The following AP5Z1 variants were observed in gnomAD, a reference collection of about 807,000 sequenced individuals.
AP5Z1 encodes the protein AP-5 complex subunit zeta-1.
Under a neutral mutation model 83.0 loss-of-function variants are expected in AP5Z1, and 106 were observed. That is an observed-to-expected ratio of 1.28 (90% CI 1.09 to 1.50). The LOEUF (loss-of-function observed/expected upper bound fraction) is 1.50. AP5Z1 is among the 40% of genes most tolerant of loss of function. The pLI is 0.00. For synonymous variants in AP5Z1, 751 were observed against 514.1 expected (o/e 1.46, Z -6.23); for missense variants, 1,565 against 1,094.2 (o/e 1.43, Z -6.07).
chr7:4,785,478 G>T (rs745309805), intron 8 of AP5Z1, 26 bp downstream of exon 8: 4 of 1,612,996 alleles, frequency 2.5e-6, no homozygotes, highest in Non-Finnish European at 3.4e-6. Context: ...CCAGGGGATG[G>T]GAGGCAGCGA....
intron 12 of AP5Z1, 116 bp from the exon 13 acceptor site, chr7:4,788,724 T>G: frequency 3.4e-6 from 3 of 886,092 alleles, no homozygotes; most frequent in East Asian, 2.8e-5. Flanking sequence ...CGAGAGGCGA[T>G]GAGTGAGGAT....
At chr7:4,776,515 G>A (rs1583223000) in intron 1 of AP5Z1, among the ~76,000 whole-genome samples, 1 of 146,606 alleles carries the variant, frequency 6.8e-6, no homozygotes, top group African/African-American at 2.5e-5. Context: ...TCAGGAGTTC[G>A]AGACCAGCGT....
At position 4,779,806 on chromosome 7, in the gene AP5Z1, A is replaced by AT. The variant is rs540584247; in HGVS notation, c.42-1360dup. Among the ~76,000 whole-genome samples, 150 of 150,272 alleles carry AT rather than the reference A, an allele frequency of 1.0e-3. 1 individual carries two copies. In the East Asian group the frequency reaches 0.027, roughly 27 times the overall value. On this transcript the variant is annotated intron_variant, in intron 1 of 16. Transcript: ENST00000649063. ...CAGGCTTGTGCCACCACGCCCAGCT[A>AT]TTTTTTTTTGTATTTTTAGTAGAAA...
rs371817388 is a variant in AP5Z1 at position 4,790,788 on chromosome 7, G to A, written c.2054G>A (p.Arg685His). Residue 685 changes from arginine (R) to histidine (H), a missense_variant, in exon 16 of 17, where the codon CGC becomes CAC. Coordinates refer to ENST00000649063, the MANE Select transcript of AP5Z1 (RefSeq NM_014855.3). ...CTGCTATTCGAGGTCACCCAGTGCCGCCCCTCTGCTGCCCTGCCCAGGTGT... is the reference window on the plus strand; with the variant it reads ...CTGCTATTCGAGGTCACCCAGTGCCACCCCTCTGCTGCCCTGCCCAGGTGT... The part of the protein sequence containing the change: ...EALLFEVTQC[R>H]PSAALPRCPP... 43 of 1,608,656 alleles carry A rather than the reference G, an allele frequency of 2.7e-5. No individual in the cohort carries two copies. The highest frequency in any genetic ancestry group is 8.4e-5 in the Admixed American group (5 of 59,586).
In AP5Z1 at chr7:4,788,191, A is replaced by G. The variant is rs1357485423; in HGVS notation, c.1492A>G (p.Thr498Ala). The G allele has an allele frequency of 1.3e-6, 2 of 1,559,420 alleles. No homozygotes were observed. Among genetic ancestry groups the G allele is most frequent in the Non-Finnish European group, 1.7e-6 (2 of 1,152,940 alleles). The change falls in exon 12 of 17, where the codon ACC (threonine) becomes GCC (alanine). Residue 498 changes from threonine (T) to alanine (A), a missense_variant. Transcript: ENST00000649063. The stretch of plus-strand genomic sequence containing the variant: ...TGCATCCGAGAGGCCACTCTGGGAC[A>G]CCTCTCTCAGGGCCCCCAGCTGCCT... ...PAASERPLWD[T>A]SLRAPSCLEA... is the part of the protein sequence containing the mutation.
In AP5Z1 at chr7:4,793,033, G is replaced by C. The variant is rs1052486649; in HGVS notation, c.*1648G>C. ...GGCTCCCAGCTCCCAGGCACTCGTG[G>C]GGCCACCGCCCAGGCCAGCTGGTGC... On this transcript the variant is annotated 3_prime_UTR_variant, in exon 17 of 17. Transcript: ENST00000649063. 3 of 152,910 alleles carry C rather than the reference G, an allele frequency of 2.0e-5. No homozygotes were observed. The highest frequency in any genetic ancestry group is 6.5e-5 in the Admixed American group (1 of 15,356). The allele number at this position is 152,910 out of a possible 1,614,324, so 9.5% of individuals were successfully genotyped here. A position where few individuals can be genotyped will look rare whatever the true frequency, so the allele number is the denominator to read the frequency against.
chr7:4,790,343 G>A (rs1192211907), intron 14 of AP5Z1, 116 bp from the exon 15 acceptor site: 5 of 1,564,042 alleles, frequency 3.2e-6, no homozygotes, highest in Non-Finnish European at 4.3e-6. Flanking sequence ...TCTATCGGAG[G>A]GTGCAGCATA....
chr7:4,788,302 G>T lies in AP5Z1; in HGVS notation c.1595+8G>T. The stretch of plus-strand genomic sequence containing the variant: ...CAGTGGCGCCACTGAGAGGTACGGG[G>T]CCCTAGGGCCAGGGGGCCACCAGTG... On this transcript the variant is annotated splice_region_variant and intron_variant, in intron 12 of 16. Transcript: ENST00000649063. 6.3e-7 allele frequency: 1 copy of T among 1,578,152 alleles called. No homozygotes were observed. The highest frequency in any genetic ancestry group is 1.8e-5 in the Admixed American group (1 of 55,114).
intron 1 of AP5Z1, among the ~76,000 whole-genome samples, chr7:4,779,455 A>G (rs1324829276): frequency 2.7e-5 from 4 of 146,454 alleles, no homozygotes; most frequent in East Asian, 3.9e-4. Context: ...CATTATATAT[A>G]ACATATATAT....
At chr7:4,776,219 A>G (rs1386106226) in intron 1 of AP5Z1, among the ~76,000 whole-genome samples, 3 of 152,118 alleles carry the variant, frequency 2.0e-5, no homozygotes, top group Admixed American at 1.3e-4. Flanking sequence ...TTGTGACTTA[A>G]AAAGATCTCT....
In AP5Z1 at chr7:4,790,505, CTGG is replaced by C; in HGVS notation, c.1859_1861del (p.Val620del). 1 of 1,613,162 alleles carries C rather than the reference CTGG, an allele frequency of 6.2e-7. No homozygotes were observed. The highest frequency in any genetic ancestry group is 8.5e-7 in the Non-Finnish European group (1 of 1,179,854). On this transcript the variant is annotated inframe_deletion, in exon 15 of 17. Coordinates refer to ENST00000649063, the MANE Select transcript of AP5Z1 (RefSeq NM_014855.3). ...GGCCCTGTGTACGCTGAAACCCTCC[CTGG>C]TGGTGGAGCTGGCAAGAGACCTGCT...
At chr7:4,783,890 G>A in intron 5 of AP5Z1, 92 bp downstream of exon 5, 2 of 1,337,078 alleles carry the variant, frequency 1.5e-6, no homozygotes, top group Non-Finnish European at 2.0e-6. Flanking sequence ...GAGGCCTGCT[G>A]TCGTTCCGCG....
chr7:4,791,555 C>T lies in AP5Z1; in HGVS notation c.*170C>T, dbSNP rs1164209231. ...CACGCGGGGCTGGCCCCCCTGCTCACCCTCTGGGCTTTGTCTCCGAGCCTT... is the reference window on the plus strand; with the variant it reads ...CACGCGGGGCTGGCCCCCCTGCTCATCCTCTGGGCTTTGTCTCCGAGCCTT... On this transcript the variant is annotated 3_prime_UTR_variant, in exon 17 of 17. Transcript: ENST00000649063. 8 of 1,000,384 alleles carry T rather than the reference C, an allele frequency of 8.0e-6. No individual in the cohort carries two copies. The African/African-American group carries it at 1.1e-4, about 14-fold the overall frequency. 62.0% of individuals were successfully genotyped at this position (1,000,384 alleles called of 1,614,324 possible). A position where few individuals can be genotyped will look rare whatever the true frequency, so the allele number is the denominator to read the frequency against.
rs564817453 is a variant in AP5Z1, at chr7:4,780,596, T to G, written c.42-579T>G. ...TGGCCAACATGGTGAAACCCTGTCT[T>G]TACTAAAAAATACAAAAAAATTAGC... On this transcript the variant is annotated intron_variant, in intron 1 of 16. Transcript: ENST00000649063. 8.7e-4 allele frequency among the ~76,000 whole-genome samples: 132 copies of G among 152,122 alleles called. 1 individual carries two copies. The highest frequency in any genetic ancestry group is 3.0e-3 in the African/African-American group (123 of 41,486).
At chr7:4,783,881 A>G in intron 5 of AP5Z1, 83 bp downstream of exon 5, 1 of 1,395,404 alleles carries the variant, frequency 7.2e-7, no homozygotes, top group Admixed American at 2.1e-5. Context: ...CACAGCGGCG[A>G]GGCCTGCTGT....
At position 4,791,454 on chromosome 7, in the gene AP5Z1, C is replaced by T; in HGVS notation, c.*69C>T. ...CAGCCAGCTTGCTACTGAGGCCAGGCTGATAGGAGCTCAGGAGGGCGCGGG... is the reference window on the plus strand; with the variant it reads ...CAGCCAGCTTGCTACTGAGGCCAGGTTGATAGGAGCTCAGGAGGGCGCGGG... On this transcript the variant is annotated 3_prime_UTR_variant, in exon 17 of 17. Coordinates refer to ENST00000649063, the MANE Select transcript of AP5Z1 (RefSeq NM_014855.3). 6.6e-7 allele frequency: 1 copy of T among 1,508,112 alleles called. No individual in the cohort carries two copies. Among genetic ancestry groups the T allele is most frequent in the Non-Finnish European group, 8.9e-7 (1 of 1,123,038 alleles). The allele number at this position is 1,508,112 out of a possible 1,614,324, so 93.4% of individuals were successfully genotyped here. A position where few individuals can be genotyped will look rare whatever the true frequency, so the allele number is the denominator to read the frequency against.
In AP5Z1 at chr7:4,781,577, G is replaced by A; in HGVS notation, c.189G>A (p.Lys63=). Residue 63 remains lysine, a synonymous_variant, in exon 3 of 17, where the codon AAG becomes AAA. Coordinates refer to ENST00000649063, the MANE Select transcript of AP5Z1 (RefSeq NM_014855.3). ...GCATCTCGCCTTCCAGGCTGGAGAA[G>A]ACATGCGTAGACCTGCTGCAGGCCA... ...SATKYSRRLE[K]TCVDLLQATL... The A allele has an allele frequency of 6.2e-7, 1 of 1,606,618 alleles. No individual in the cohort carries two copies. Among genetic ancestry groups the A allele is most frequent in the South Asian group, 1.1e-5 (1 of 90,970 alleles).
chr7:4,779,697 A>G (rs1021847350), intron 1 of AP5Z1, among the ~76,000 whole-genome samples: 3 of 151,372 alleles, frequency 2.0e-5, no homozygotes, highest in African/African-American at 2.4e-5. Flanking sequence ...CTGGGGTGCA[A>G]TGGCATGATC....
chr7:4,785,357 C>G, intron 7 of AP5Z1, 58 bp from the exon 8 acceptor site: 3 of 1,581,088 alleles, frequency 1.9e-6, no homozygotes, highest in Non-Finnish European at 2.6e-6. Context: ...AAGCTGCCCC[C>G]TCATTGGGCC....
Sources: gnomAD v4.1 joint callset for allele counts (sites outside exome capture counted in the v4.1 genomes callset) on GRCh38, gnomAD v4.1.1 for gene constraint, MANE v1.5 for transcripts, NCBI Gene and HGNC (gene_info 2026-07-23, HGNC 2026-07-21) for gene names.